CCNK: variants seen among roughly 807,000 people sequenced by gnomAD.
CCNK encodes the protein cyclin K, also known as cyclin-K.
In CCNK, 9 loss-of-function variants were observed where a neutral mutation model predicts 65.0. The ratio of observed to expected loss-of-function variants is 0.14; its 90% confidence interval spans 0.08 to 0.24. The LOEUF is 0.24. Ranked by LOEUF, CCNK falls within the 10% of genes least tolerant of loss-of-function variation. The pLI, the probability that CCNK is intolerant of heterozygous loss-of-function variation, is 1.00. For missense variants in CCNK, 474 were observed against 720.0 expected (o/e 0.66, Z 3.91); for synonymous variants, 279 against 270.8 (o/e 1.03, Z -0.30).
chr14:99,512,200 G>T lies in CCNK; in HGVS notation c.*1418G>T, dbSNP rs537328724. ...CGTCAGAGTGGTTGAATAGAAGGTAGAAACAGGCCGGGAGTCCACGGGCTC... is the reference window on the plus strand; with the variant it reads ...CGTCAGAGTGGTTGAATAGAAGGTATAAACAGGCCGGGAGTCCACGGGCTC... On this transcript the variant is annotated 3_prime_UTR_variant, in exon 11 of 11. Transcript: ENST00000389879. 6.6e-6 allele frequency: 1 copy of T among 152,208 alleles called. No individual in the cohort carries two copies. The highest frequency in any genetic ancestry group is 1.5e-5 in the Non-Finnish European group (1 of 68,038). The allele number at this position is 152,208 out of a possible 1,614,324, so 9.4% of individuals were successfully genotyped here. A position where few individuals can be genotyped will look rare whatever the true frequency, so the allele number is the denominator to read the frequency against.
chr14:99,503,483 A>C (rs911359074), intron 8 of CCNK, 128 bp from the exon 9 acceptor site: 3 of 728,964 alleles, frequency 4.1e-6, no homozygotes, highest in Non-Finnish European at 4.6e-6. Context: ...TTCAGGCTAG[A>C]AATAATTTTT....
intron 1 of CCNK, among the ~76,000 whole-genome samples, chr14:99,489,745 A>G (rs2139853758): frequency 6.6e-6 from 1 of 152,298 alleles, no homozygotes; most frequent in South Asian, 2.1e-4. Context: ...ACATGATTCA[A>G]ACATCAAAGT....
chr14:99,492,829 G>A lies in CCNK; in HGVS notation c.152G>A (p.Arg51Gln), dbSNP rs1226198377. The change falls in exon 2 of 11, where the codon CGA becomes CAA. Residue 51 changes from arginine (R) to glutamine (Q), a missense_variant. Around this residue, in one of 6 missense-constraint regions of CCNK, gnomAD observed 87 missense variants for 166.2 expected, o/e 0.52. Transcript: ENST00000389879. ...CCAGCCACCGAGGCCCGGTACCGCCGAGAGGGCGCTCGGTTCATCTTTGAT... is the reference window on the plus strand; with the variant it reads ...CCAGCCACCGAGGCCCGGTACCGCCAAGAGGGCGCTCGGTTCATCTTTGAT... ...LDPATEARYR[R>Q]EGARFIFDVG... 1.9e-6 allele frequency: 3 copies of A among 1,609,914 alleles called. No individual in the cohort carries two copies. The highest frequency in any genetic ancestry group is 1.3e-5 in the African/African-American group (1 of 74,566).
chr14:99,504,951 G>A (rs1396064872), intron 9 of CCNK: 1 of 152,300 alleles, frequency 6.6e-6, no homozygotes, highest in Admixed American at 6.5e-5. Context: ...CAATAAGTTG[G>A]AAGTACGCAA....
chr14:99,489,548 T>G (rs186302378), intron 1 of CCNK, among the ~76,000 whole-genome samples: 1 of 152,332 alleles, frequency 6.6e-6, no homozygotes, highest in African/African-American at 2.4e-5. Flanking sequence ...AGTAAGTAAG[T>G]AAATAAATAA....
At chr14:99,493,273 CA>C (rs565367708) in intron 2 of CCNK, among the ~76,000 whole-genome samples, 28 of 141,590 alleles carry the variant, frequency 2.0e-4, no homozygotes, top group Admixed American at 3.5e-4. Context: ...GATGCTGTCT[CA>C]AAAAAAAAAA....
intron 9 of CCNK, 165 bp from the exon 10 acceptor site, chr14:99,506,911 T>A: frequency 1.6e-6 from 1 of 615,196 alleles, no homozygotes. Context: ...TTAACAGGAT[T>A]CATGCATAAT....
At position 99,481,466 on chromosome 14, in the gene CCNK, G is replaced by A. The variant is rs767319893; in HGVS notation, c.-66G>A. 21 of 398,592 alleles carry A rather than the reference G, an allele frequency of 5.3e-5. No homozygotes were observed. Among genetic ancestry groups the A allele is most frequent in the Non-Finnish European group, 9.3e-5 (21 of 226,114 alleles). The allele number at this position is 398,592 out of a possible 1,614,324, so 24.7% of individuals were successfully genotyped here. A position where few individuals can be genotyped will look rare whatever the true frequency, so the allele number is the denominator to read the frequency against. ...AAGGAGAGACGTCGCTGAGGGGCTTGCCTGAAGCGAGGGGTGAGTGACCCA... is the reference window on the plus strand; with the variant it reads ...AAGGAGAGACGTCGCTGAGGGGCTTACCTGAAGCGAGGGGTGAGTGACCCA... On this transcript the variant is annotated 5_prime_UTR_variant, in exon 1 of 11. Transcript: ENST00000389879.
intron 1 of CCNK, among the ~76,000 whole-genome samples, chr14:99,485,638 A>G (rs190655661): frequency 3.9e-5 from 6 of 152,322 alleles, no homozygotes; most frequent in Non-Finnish European, 8.8e-5. Flanking sequence ...AACCAAAACA[A>G]TAACAAAACC....
chr14:99,486,615 TATCAAAACCAGC>T (rs1896491545), intron 1 of CCNK, among the ~76,000 whole-genome samples: 1 of 152,238 alleles, frequency 6.6e-6, no homozygotes, highest in Non-Finnish European at 1.5e-5. Context: ...CCTCCCTCCT[TATCAAAACCAGC>T]TTTTTCTCTT....
Position 99,511,163 on chromosome 14 carries a change from A to T in CCNK, c.*381A>T. 6.2e-6 allele frequency: 1 copy of T among 161,306 alleles called. No individual in the cohort carries two copies. The highest frequency in any genetic ancestry group is 1.3e-5 in the Non-Finnish European group (1 of 74,184). 10.0% of individuals were successfully genotyped at this position (161,306 alleles called of 1,614,324 possible). On this transcript the variant is annotated 3_prime_UTR_variant, in exon 11 of 11. Coordinates refer to ENST00000389879, the MANE Select transcript of CCNK (RefSeq NM_001099402.2). Reference sequence around the variant, plus strand: ...CTATTTTTCCTGGAAACTCAATTTTAAATAGTCCAATTCCATCTGAAGCCA... The same window carrying T: ...CTATTTTTCCTGGAAACTCAATTTTTAATAGTCCAATTCCATCTGAAGCCA...
Position 99,500,888 on chromosome 14 carries a change from CA to C in CCNK, c.517+18del. The C allele has an allele frequency of 7.1e-7, 1 of 1,409,260 alleles. No homozygotes were observed. The highest frequency in any genetic ancestry group is 2.5e-5 in the East Asian group (1 of 40,118). 87.3% of individuals were successfully genotyped at this position (1,409,260 alleles called of 1,614,324 possible). A position where few individuals can be genotyped will look rare whatever the true frequency, so the allele number is the denominator to read the frequency against. On this transcript the variant is annotated intron_variant, in intron 5 of 10. Transcript: ENST00000389879. Reference sequence around the variant, plus strand: ...AACTCAAAGGTAAGAAGAAAGTTTTCAGAAGAATTTTTTCATTCTGAAATCA... The same window carrying C: ...AACTCAAAGGTAAGAAGAAAGTTTTCGAAGAATTTTTTCATTCTGAAATCA...
chr14:99,504,058 G>A, intron 9 of CCNK: 1 of 383,092 alleles, frequency 2.6e-6, no homozygotes, highest in Admixed American at 3.3e-5. Flanking sequence ...GCCCGGCCCA[G>A]CCCAGCTGCC....
chr14:99,490,861 G>GAGCTTGCAGTGAGCCGA (rs1896582783), intron 1 of CCNK, among the ~76,000 whole-genome samples: 1 of 151,022 alleles, frequency 6.6e-6, no homozygotes, highest in Middle Eastern at 3.2e-3. Flanking sequence ...CCAGGAGGTG[G>GAGCTTGCAGTGAGCCGA]AGCTTGCAGT....
At chr14:99,496,313 T>C (rs1376305204) in intron 4 of CCNK, among the ~76,000 whole-genome samples, 2 of 152,174 alleles carry the variant, frequency 1.3e-5, no homozygotes, top group Non-Finnish European at 2.9e-5. Flanking sequence ...AGTTTGCAAT[T>C]AAATAGATTT....
Position 99,495,595 on chromosome 14 carries a change from A to G in CCNK, c.377A>G (p.Asp126Gly). Residue 126 changes from aspartate to glycine, a missense_variant, in exon 4 of 11, where the codon GAT becomes GGT. Physicochemically the swap from Asp to Gly is moderately conservative, Grantham distance 94. Transcript: ENST00000389879. ...AAAACAGCTCGTAGTTTATTAAATG[A>G]TGTACAATTTGGCCAGTTTGGAGAT... ...IIKTARSLLN[D>G]VQFGQFGDDP... 6.2e-7 allele frequency: 1 copy of G among 1,611,614 alleles called. No individual in the cohort carries two copies. The highest frequency in any genetic ancestry group is 8.5e-7 in the Non-Finnish European group (1 of 1,179,148).
intron 1 of CCNK, among the ~76,000 whole-genome samples, chr14:99,484,313 C>T (rs1372970382): frequency 2.0e-5 from 3 of 152,218 alleles, no homozygotes; most frequent in African/African-American, 4.8e-5. Flanking sequence ...CATGCTGCAA[C>T]GCAGCAGACA....
Position 99,510,265 on chromosome 14 carries a change from C to CCT in CCNK, c.1226_1227insCT (p.Val410LeufsTer21). The CCT allele has an allele frequency of 6.4e-7, 1 of 1,560,638 alleles. No individual in the cohort carries two copies. The highest frequency in any genetic ancestry group is 1.8e-5 in the Admixed American group (1 of 55,182). ...ATTCCCCCTCCGGCCCACCCGGCCC[C>CCT]TGTGCACCAGCCACCGCCGCTGCCA... On this transcript the variant is annotated frameshift_variant, in exon 11 of 11. Coordinates refer to ENST00000389879, the MANE Select transcript of CCNK (RefSeq NM_001099402.2). LOFTEE classifies it high-confidence loss of function.
At chr14:99,509,893 G>A (rs892183856) in intron 10 of CCNK, 44 of 538,084 alleles carry the variant, frequency 8.2e-5, no homozygotes, top group Admixed American at 2.5e-4. Flanking sequence ...GGGTGCTGCC[G>A]AGACTGCCTG....
Sources: gnomAD v4.1 joint callset for allele counts (sites outside exome capture counted in the v4.1 genomes callset) on GRCh38, gnomAD v4.1.1 for gene constraint, gnomAD v4.1.1 regional missense constraint, MANE v1.5 for transcripts, NCBI Gene and HGNC (gene_info 2026-07-23, HGNC 2026-07-21) for gene names.